Variants in PCDHA4 observed in about 807,000 individuals in gnomAD.
The protein encoded by PCDHA4 is protocadherin alpha-4.
A neutral mutation model predicts 61.4 loss-of-function variants in PCDHA4; 49 were observed. The observed-to-expected ratio is 0.80, with a 90% CI of 0.63 to 1.01. The LOEUF (loss-of-function observed/expected upper bound fraction) is 1.01. Ranked by LOEUF, PCDHA4 falls within the 50% of genes least tolerant of loss-of-function variation. The pLI, the probability that PCDHA4 is intolerant of heterozygous loss-of-function variation, is 0.00. For synonymous variants in PCDHA4, 590 were observed against 550.3 expected, an observed-to-expected ratio of 1.07 and a Z score of -1.01; for missense variants, 1,254 against 1,235.8, an observed-to-expected ratio of 1.01 and a Z score of -0.22.
intron 1 of PCDHA4, among the ~76,000 whole-genome samples, chr5:140,943,236 TCA>T (rs1454947972): frequency 5.6e-5 from 7 of 124,930 alleles, no homozygotes; most frequent in African/African-American, 1.9e-4. Flanking sequence ...CCAGCCTGGG[TCA>T]CAGAGTGAGA....
At chr5:140,930,675 A>G (rs1326713897) in intron 1 of PCDHA4, among the ~76,000 whole-genome samples, 2 of 152,234 alleles carry the variant, frequency 1.3e-5, no homozygotes, top group Non-Finnish European at 2.9e-5. Flanking sequence ...TATTCTAGGC[A>G]ATAAGGGGAA....
chr5:141,007,395 CAAAAAA>C (rs35800918), intron 3 of PCDHA4, among the ~76,000 whole-genome samples: 3 of 94,844 alleles, frequency 3.2e-5, no homozygotes, highest in East Asian at 2.9e-4. Flanking sequence ...TACTAAAATA[CAAAAAA>C]AAAAAAAAAA....
intron 1 of PCDHA4, among the ~76,000 whole-genome samples, chr5:140,846,372 TC>T (rs146357297): frequency 0.2 from 13,294 of 65,432 alleles, 1,456 homozygotes; most frequent in African/African-American, 0.26. Flanking sequence ...TTTCTTTCTT[TC>T]TTTTTTTTTT....
At chr5:140,868,949 G>A (rs2050751465) in intron 1 of PCDHA4, 1 of 1,302,330 alleles carries the variant, frequency 7.7e-7, no homozygotes, top group Non-Finnish European at 1.0e-6. Context: ...GAACAGTGAG[G>A]CACTCCCATA....
At chr5:140,841,417 C>A (rs1242106171) in intron 1 of PCDHA4, 5 of 1,612,932 alleles carry the variant, frequency 3.1e-6, no homozygotes, top group Non-Finnish European at 4.2e-6. Flanking sequence ...GCCAGCTCCA[C>A]TACTCCGTCC....
intron 1 of PCDHA4, chr5:140,824,090 G>T (rs2150132090): frequency 1.2e-6 from 2 of 1,614,190 alleles, no homozygotes; most frequent in East Asian, 4.5e-5. Context: ...ATGGCCTTCA[G>T]TCCAAGCCTT....
At chr5:140,968,455 G>C in intron 1 of PCDHA4, 2 of 1,614,084 alleles carry the variant, frequency 1.2e-6, no homozygotes, top group Non-Finnish European at 1.7e-6. Context: ...GCAGCACTGT[G>C]ACTGCCAACG....
chr5:140,883,142 G>A (rs150205860), intron 1 of PCDHA4: 1 of 1,614,004 alleles, frequency 6.2e-7, no homozygotes, highest in South Asian at 1.1e-5. Flanking sequence ...AGTGGTATAT[G>A]CATTTACCAT....
At position 140,910,974 on chromosome 5, in the gene PCDHA4, T is replaced by G. The variant is rs114099897; in HGVS notation, c.2386-67975T>G. Among the ~76,000 whole-genome samples the G allele has an allele frequency of 8.0e-3, 1,211 of 152,160 alleles. 6 individuals carry two copies. The highest frequency in any genetic ancestry group is 0.019 in the African/African-American group (781 of 41,520). On this transcript the variant is annotated intron_variant, in intron 1 of 3. Coordinates refer to ENST00000530339, the MANE Select transcript of PCDHA4 (RefSeq NM_018907.4). ...CGAGTGTAGCACACCTCCTCATGGG[T>G]TATACTCTGAACCTCACCCCTAGGG...
intron 1 of PCDHA4, chr5:140,835,267 T>A (rs2150232922): frequency 8.1e-5 from 130 of 1,609,952 alleles, no homozygotes; most frequent in Non-Finnish European, 1.1e-4. Flanking sequence ...AAGTTCCACA[T>A]GGACCCCTTA....
chr5:140,823,034 A>T (rs199730763), intron 1 of PCDHA4: 48 of 1,614,070 alleles, frequency 3.0e-5, no homozygotes, highest in Non-Finnish European at 8.5e-7. Context: ...GTGTCGGTCT[A>T]TGAGCTGGTG....
chr5:140,994,515 C>A (rs1450335712), intron 3 of PCDHA4, among the ~76,000 whole-genome samples: 1 of 150,238 alleles, frequency 6.7e-6, no homozygotes, highest in African/African-American at 2.5e-5. Context: ...ACAGCCTGGG[C>A]AACATGGCAA....
intron 3 of PCDHA4, among the ~76,000 whole-genome samples, chr5:140,992,037 G>A (rs2153898781): frequency 6.6e-6 from 1 of 152,006 alleles, no homozygotes; most frequent in East Asian, 1.9e-4. Context: ...GTGTGTGTGT[G>A]TGTGTGTGTG....
At chr5:140,858,839 C>T (rs1306924023) in intron 1 of PCDHA4, 1 of 317,040 alleles carries the variant, frequency 3.2e-6, no homozygotes, top group Non-Finnish European at 5.9e-6. Context: ...CCAAAAAATT[C>T]CACTGATCTA....
chr5:140,828,693 A>G (rs2150157949), intron 1 of PCDHA4: 9 of 1,614,130 alleles, frequency 5.6e-6, no homozygotes, highest in South Asian at 1.1e-5. Flanking sequence ...AAATCCTTGG[A>G]CAGAGAGGAA....
intron 3 of PCDHA4, among the ~76,000 whole-genome samples, chr5:141,003,556 A>G (rs1183434751): frequency 6.6e-6 from 1 of 152,034 alleles, no homozygotes; most frequent in Non-Finnish European, 1.5e-5. Flanking sequence ...CAAGTGATCC[A>G]CCTGCCTCAG....
intron 1 of PCDHA4, among the ~76,000 whole-genome samples, chr5:140,907,687 G>A (rs1554193091): frequency 6.6e-6 from 1 of 152,220 alleles, no homozygotes; most frequent in East Asian, 1.9e-4. Context: ...GCCTTGGTGA[G>A]TGGAAGTCCC....
chr5:140,953,444 G>C (rs2094887278), intron 1 of PCDHA4, among the ~76,000 whole-genome samples: 1 of 152,088 alleles, frequency 6.6e-6, no homozygotes, highest in South Asian at 2.1e-4. Context: ...GGAGAAACTA[G>C]GGATTATCTG....
At chr5:140,931,183 T>C (rs1225985669) in intron 1 of PCDHA4, among the ~76,000 whole-genome samples, 2 of 152,158 alleles carry the variant, frequency 1.3e-5, no homozygotes, top group Non-Finnish European at 2.9e-5. Context: ...GGGAAGGAAA[T>C]TGGTGCACTA....
Sources: gnomAD v4.1 joint callset for allele counts (sites outside exome capture counted in the v4.1 genomes callset) on GRCh38, gnomAD v4.1.1 for gene constraint, MANE v1.5 for transcripts, NCBI Gene and HGNC (gene_info 2026-07-23, HGNC 2026-07-21) for gene names.